Variants in SPTBN1 observed in about 807,000 individuals in gnomAD.
The protein encoded by SPTBN1 is spectrin beta chain, non-erythrocytic 1.
A neutral mutation model predicts 266.4 loss-of-function variants in SPTBN1; 32 were observed. That is an observed-to-expected ratio of 0.12 (90% CI 0.09 to 0.16). The LOEUF is 0.16. Ranked by LOEUF, SPTBN1 falls within the 10% of genes least tolerant of loss-of-function variation. The pLI is 1.00. For missense variants in SPTBN1, 2,296 were observed against 3,067.1 expected, an observed-to-expected ratio of 0.75 and a Z score of 5.94; for synonymous variants, 1,336 against 1,162.2, an observed-to-expected ratio of 1.15 and a Z score of -3.04.
intron 3 of SPTBN1, among the ~76,000 whole-genome samples, chr2:54,607,805 G>A (rs779837974): frequency 1.1e-4 from 17 of 152,192 alleles, no homozygotes; most frequent in Admixed American, 5.2e-4. Flanking sequence ...TTCTACTTGT[G>A]GTAGGCCTCT....
chr2:54,511,500 A>G (rs1302050034), intron 1 of SPTBN1, among the ~76,000 whole-genome samples: 1 of 151,972 alleles, frequency 6.6e-6, no homozygotes, highest in Non-Finnish European at 1.5e-5. Flanking sequence ...GGTTGTGGGG[A>G]TGGTTTCGGG....
At chr2:54,643,727 T>TA (rs1440334691) in intron 19 of SPTBN1, among the ~76,000 whole-genome samples, 3 of 152,162 alleles carry the variant, frequency 2.0e-5, no homozygotes, top group Non-Finnish European at 4.4e-5. Context: ...CTCATGCCTG[T>TA]AATCCCAGCA....
At chr2:54,562,504 A>G (rs1673370262) in intron 2 of SPTBN1, among the ~76,000 whole-genome samples, 1 of 128,636 alleles carries the variant, frequency 7.8e-6, no homozygotes, top group Non-Finnish European at 1.7e-5. Flanking sequence ...CATTTCATCT[A>G]TAGAAATGCT....
chr2:54,599,171 A>C lies in SPTBN1; in HGVS notation c.228A>C (p.Thr76=). The C allele has an allele frequency of 6.2e-7, 1 of 1,614,216 alleles. No homozygotes were observed. The highest frequency in any genetic ancestry group is 1.6e-4 in the Middle Eastern group (1 of 6,062). The change falls in exon 3 of 36, where the codon ACA becomes ACC. Residue 76 remains threonine, a synonymous_variant. Coordinates refer to ENST00000356805, the MANE Select transcript of SPTBN1 (RefSeq NM_003128.3). ...TTGCCCGTGTGTCCTGCCGGATCACAGACCTGTACACTGACCTTCGAGATG... is the reference window on the plus strand; with the variant it reads ...TTGCCCGTGTGTCCTGCCGGATCACCGACCTGTACACTGACCTTCGAGATG... ...SHLARVSCRI[T]DLYTDLRDGR...
At chr2:54,551,696 G>A (rs1329482077) in intron 2 of SPTBN1, among the ~76,000 whole-genome samples, 8 of 152,102 alleles carry the variant, frequency 5.3e-5, no homozygotes, top group South Asian at 2.1e-4. Context: ...AGATTCGGCT[G>A]TATACTTAGA....
chr2:54,607,634 A>G (rs1676934299), intron 3 of SPTBN1, among the ~76,000 whole-genome samples: 1 of 152,118 alleles, frequency 6.6e-6, no homozygotes, highest in South Asian at 2.1e-4. Context: ...AAATTAATAA[A>G]TTAATTTTTA....
intron 18 of SPTBN1, among the ~76,000 whole-genome samples, chr2:54,638,062 A>G (rs112203506): frequency 1.8e-4 from 28 of 152,208 alleles, no homozygotes; most frequent in African/African-American, 6.3e-4. Flanking sequence ...ACCAGCCACA[A>G]TGTCTTTATG....
At chr2:54,611,040 A>T (rs1677173985) in intron 3 of SPTBN1, among the ~76,000 whole-genome samples, 1 of 152,204 alleles carries the variant, frequency 6.6e-6, no homozygotes, top group Non-Finnish European at 1.5e-5. Context: ...GTACATACCA[A>T]GATTTAATAC....
intron 2 of SPTBN1, among the ~76,000 whole-genome samples, chr2:54,530,559 G>A (rs559130570): frequency 6.7e-4 from 101 of 151,708 alleles, no homozygotes; most frequent in Non-Finnish European, 1.3e-3. Context: ...GGGTTTCGCC[G>A]TGTTATCCAG....
In SPTBN1 at chr2:54,622,285, A is replaced by G. The variant is rs750231425; in HGVS notation, c.877-15A>G. ...GTGACATGATCTTTTCAATTTTTCT[A>G]TCCCTTGTTGCCAGGTGCTTGACAA... On this transcript the variant is annotated splice_polypyrimidine_tract_variant and intron_variant, in intron 8 of 35. Coordinates refer to ENST00000356805, the MANE Select transcript of SPTBN1 (RefSeq NM_003128.3). 10 of 1,612,100 alleles carry G rather than the reference A, an allele frequency of 6.2e-6. No individual in the cohort carries two copies. The highest frequency in any genetic ancestry group is 3.3e-5 in the Admixed American group (2 of 59,856).
chr2:54,561,753 A>G (rs1310397093), intron 2 of SPTBN1, among the ~76,000 whole-genome samples: 1 of 148,530 alleles, frequency 6.7e-6, no homozygotes, highest in Non-Finnish European at 1.5e-5. Context: ...ATATTTATAT[A>G]TAAATATAGT....
intron 2 of SPTBN1, among the ~76,000 whole-genome samples, chr2:54,560,296 G>T (rs1189702269): frequency 1.3e-5 from 2 of 151,946 alleles, no homozygotes; most frequent in Non-Finnish European, 2.9e-5. Context: ...CAGCTTCATT[G>T]TGTCATCCCG....
At chr2:54,503,646 C>CT (rs1669392456) in intron 1 of SPTBN1, among the ~76,000 whole-genome samples, 1 of 152,174 alleles carries the variant, frequency 6.6e-6, no homozygotes, top group Non-Finnish European at 1.5e-5. Context: ...CCTTTCTAGT[C>CT]TTTGAACATA....
In SPTBN1 at chr2:54,663,827, C is replaced by T. The variant is rs1376713890; in HGVS notation, c.6421-626C>T. ...GTTGACTTGCCTCATTTCCTTCCAG[C>T]TCTTAAGTTCCAAAGTCTAACTGGG... On this transcript the variant is annotated intron_variant, in intron 32 of 35. Coordinates refer to ENST00000356805, the MANE Select transcript of SPTBN1 (RefSeq NM_003128.3). The T allele has an allele frequency of 2.6e-5, 4 of 152,254 alleles. No homozygotes were observed. The East Asian group carries it at 7.7e-4, about 29-fold the overall frequency. The allele number at this position is 152,254 out of a possible 1,614,324, so 9.4% of individuals were successfully genotyped here.
intron 1 of SPTBN1, among the ~76,000 whole-genome samples, chr2:54,500,955 CTCTT>C (rs1225495738): frequency 6.6e-6 from 1 of 152,324 alleles, no homozygotes; most frequent in Non-Finnish European, 1.5e-5. Context: ...TTCCAGTCCT[CTCTT>C]TATAGACGAG....
At chr2:54,625,695 A>C (rs1020047505) in intron 11 of SPTBN1, among the ~76,000 whole-genome samples, 2 of 151,854 alleles carry the variant, frequency 1.3e-5, no homozygotes, top group African/African-American at 4.8e-5. Context: ...GGTTCAAGCG[A>C]TTTTCCTGCC....
chr2:54,648,891 A>G (rs1257273942), intron 24 of SPTBN1, 95 bp from the exon 25 acceptor site: 5 of 1,145,982 alleles, frequency 4.4e-6, no homozygotes, highest in Non-Finnish European at 5.0e-6. Flanking sequence ...ATGATGTAAT[A>G]TGCTCTCCCA....
chr2:54,464,133 ATATG>A (rs1445844678), intron 1 of SPTBN1, among the ~76,000 whole-genome samples: 1 of 152,206 alleles, frequency 6.6e-6, no homozygotes, highest in African/African-American at 2.4e-5. Context: ...TGGGTTATAT[ATATG>A]TAACAGAAGC....
intron 10 of SPTBN1, 116 bp downstream of exon 10, chr2:54,623,712 A>G (rs922631252): frequency 1.3e-6 from 1 of 786,392 alleles, no homozygotes; most frequent in Non-Finnish European, 2.0e-6. Flanking sequence ...CCACCTGCCG[A>G]ATTGACAATT....
Sources: allele counts gnomAD v4.1 joint callset (sites outside exome capture counted in the v4.1 genomes callset), GRCh38; gene constraint gnomAD v4.1.1; transcripts MANE v1.5; gene names NCBI Gene and HGNC (gene_info 2026-07-23, HGNC 2026-07-21).